Variants in CDK12 observed in about 807,000 individuals in gnomAD.
CDK12 encodes cyclin-dependent kinase 12.
In CDK12, 17 loss-of-function variants were observed where a neutral mutation model predicts 133.8. The observed-to-expected ratio is 0.13, with a 90% CI of 0.09 to 0.19. The LOEUF (loss-of-function observed/expected upper bound fraction) is 0.19. Among genes scored for constraint, CDK12 ranks in the 10% least tolerant of loss-of-function variants. The pLI is 1.00. For synonymous variants in CDK12, 694 were observed against 683.6 expected, an observed-to-expected ratio of 1.02 and a Z score of -0.24; for missense variants, 1,508 against 1,818.7, an observed-to-expected ratio of 0.83 and a Z score of 3.11.
chr17:39,530,681 C>T lies in CDK12; in HGVS notation c.3838C>T (p.Pro1280Ser), dbSNP rs763386543. The T allele has an allele frequency of 6.2e-7, 1 of 1,613,666 alleles. No homozygotes were observed. Among genetic ancestry groups the T allele is most frequent in the Non-Finnish European group, 8.5e-7 (1 of 1,179,722 alleles). The change falls in exon 14 of 14, where the codon CCT becomes TCT. Residue 1280 changes from proline (P) to serine (S), a missense_variant. Around this residue, in one of 9 missense-constraint regions of CDK12, gnomAD observed 399 missense variants for 469.6 expected, o/e 0.85. Transcript: ENST00000447079. ...ACCTCCACCGCCGCCACCTCCACCC[C>T]CTCTGGTTGAAGGCGATCTTTCCAG... The part of the protein sequence containing the change: ...PGPPPPPPPP[P>S]LVEGDLSSAP...
chr17:39,467,606 A>G (rs2049442879), intron 1 of CDK12, among the ~76,000 whole-genome samples: 1 of 152,180 alleles, frequency 6.6e-6, no homozygotes. Context: ...GGTTTCTAAC[A>G]GACTTCCTTA....
intron 11 of CDK12, among the ~76,000 whole-genome samples, chr17:39,522,591 A>G (rs913266124): frequency 6.6e-6 from 1 of 151,668 alleles, no homozygotes; most frequent in Non-Finnish European, 1.5e-5. Flanking sequence ...CCGGCACCAC[A>G]GCTGGCTAAT....
chr17:39,542,142 T>G (rs1433780471), intron 1 of CDK12, among the ~76,000 whole-genome samples: 1 of 89,284 alleles, frequency 1.1e-5, no homozygotes, highest in African/African-American at 2.7e-5. Context: ...ACTGGGAAAT[T>G]ATATATACAT....
intron 2 of CDK12, among the ~76,000 whole-genome samples, chr17:39,481,683 TC>T (rs2050704656): frequency 7.8e-5 from 1 of 12,776 alleles, no homozygotes; most frequent in Admixed American, 7.7e-4. Context: ...TCTCTCTCTC[TC>T]TCTCTCTCTC....
At chr17:39,482,935 C>T (rs1171345570) in intron 2 of CDK12, among the ~76,000 whole-genome samples, 3 of 134,462 alleles carry the variant, frequency 2.2e-5, no homozygotes, top group Non-Finnish European at 4.6e-5. Context: ...TTTTTTGAAA[C>T]GGAGTCTCAC....
chr17:39,492,489 G>A, intron 3 of CDK12, among the ~76,000 whole-genome samples: 1 of 143,770 alleles, frequency 7.0e-6, no homozygotes, highest in Middle Eastern at 4.1e-3. Flanking sequence ...CTCACTGCAA[G>A]TTCTGCCTCC....
chr17:39,463,287 G>T (rs1384416465), intron 1 of CDK12, among the ~76,000 whole-genome samples, 170 bp downstream of exon 1: 4 of 152,100 alleles, frequency 2.6e-5, no homozygotes, highest in Non-Finnish European at 5.9e-5. Flanking sequence ...CCCAGAATTC[G>T]AGAAGTGAAG....
At chr17:39,507,311 G>A (rs1365478529) in intron 6 of CDK12, among the ~76,000 whole-genome samples, 2 of 151,720 alleles carry the variant, frequency 1.3e-5, no homozygotes, top group African/African-American at 2.4e-5. Flanking sequence ...CAGCGGCCGG[G>A]CGCGGTGGCT....
chr17:39,511,507 A>G (rs1471865609), intron 7 of CDK12, 22 bp from the exon 8 acceptor site: 1 of 1,477,406 alleles, frequency 6.8e-7, no homozygotes, highest in Non-Finnish European at 9.4e-7. Flanking sequence ...AGTTTATGTC[A>G]TGGTTGTTTT....
At position 39,463,103 on chromosome 17, in the gene CDK12, G is replaced by T. The variant is rs777563663; in HGVS notation, c.1032G>T (p.Arg344=). The T allele has an allele frequency of 8.7e-6, 14 of 1,613,906 alleles. No homozygotes were observed. Among genetic ancestry groups the T allele is most frequent in the Admixed American group, 1.7e-5 (1 of 59,986 alleles). ...SPFLSKRSLS[R]SPLPSRKSMK... ...TCCTGAGCAAGCGGTCTCTGAGTCGGAGTCCACTCCCCAGGTGAGCTATTT... is the reference window on the plus strand; with the variant it reads ...TCCTGAGCAAGCGGTCTCTGAGTCGTAGTCCACTCCCCAGGTGAGCTATTT... The change falls in exon 1 of 14, where the codon CGG becomes CGT. Residue 344 remains arginine (R), a synonymous_variant. Coordinates refer to ENST00000447079, the MANE Select transcript of CDK12 (RefSeq NM_016507.4).
Position 39,471,284 on chromosome 17 carries a change from T to C in CDK12, c.1452T>C (p.Asp484=). ...CAGATACAGGGAAAGTAAAGTTGGA[T>C]GAGAACTCCGAGAAGCATCTTGTTA... ...NSSDTGKVKL[D]ENSEKHLVKD... The change falls in exon 2 of 14, where the codon GAT becomes GAC. Residue 484 remains aspartate (D), a synonymous_variant. Transcript: ENST00000447079. The C allele has an allele frequency of 6.2e-7, 1 of 1,613,280 alleles. No individual in the cohort carries two copies. The highest frequency in any genetic ancestry group is 1.1e-5 in the South Asian group (1 of 90,948).
At chr17:39,514,560 T>TG (rs2053679965) in intron 8 of CDK12, among the ~76,000 whole-genome samples, 1 of 152,102 alleles carries the variant, frequency 6.6e-6, no homozygotes. Context: ...AGGCTGGTCT[T>TG]GAACTCCTGG....
At chr17:39,508,140 C>T (rs1005855769) in intron 6 of CDK12, among the ~76,000 whole-genome samples, 2 of 152,150 alleles carry the variant, frequency 1.3e-5, no homozygotes, top group Admixed American at 6.5e-5. Flanking sequence ...AAATGTTCCA[C>T]TGAGCATTTC....
chr17:39,481,848 G>A (rs1328938019), intron 2 of CDK12, among the ~76,000 whole-genome samples: 5 of 151,528 alleles, frequency 3.3e-5, no homozygotes, highest in African/African-American at 1.2e-4. Context: ...ACCCTCCCAA[G>A]TAGCTGGGAT....
intron 12 of CDK12, among the ~76,000 whole-genome samples, chr17:39,525,175 T>A (rs2054421335): frequency 6.6e-6 from 1 of 152,176 alleles, no homozygotes; most frequent in Admixed American, 6.5e-5. Context: ...CAAATTTAAT[T>A]TAAGGTTAGT....
In CDK12 at chr17:39,525,858, C is replaced by G; in HGVS notation, c.3308-6C>G. 6.2e-7 allele frequency: 1 copy of G among 1,610,136 alleles called. No homozygotes were observed. Among genetic ancestry groups the G allele is most frequent in the Non-Finnish European group, 8.5e-7 (1 of 1,177,316 alleles). ...GTCTTATATTGGCTTCACTGTCTTT[C>G]AACAGGCCTTGCTGACATCACACAA... On this transcript the variant is annotated splice_polypyrimidine_tract_variant and splice_region_variant and intron_variant, in intron 12 of 13. Coordinates refer to ENST00000447079, the MANE Select transcript of CDK12 (RefSeq NM_016507.4).
rs1295338053 is a variant in CDK12 at position 39,481,645 on chromosome 17, T to G, written c.1932-8912T>G. On this transcript the variant is annotated intron_variant, in intron 2 of 13. Coordinates refer to ENST00000447079, the MANE Select transcript of CDK12 (RefSeq NM_016507.4). ...TGCTCGCTCGCGCGCTCTCTCTCTC[T>G]CTCTCTCTCTCTCTCTCTCTCTCTC... Among the ~76,000 whole-genome samples, 57 of 8,680 alleles carry G rather than the reference T, an allele frequency of 6.6e-3. 8 individuals carry two copies. Among genetic ancestry groups the G allele is most frequent in the Admixed American group, 0.025 (21 of 842 alleles). 5.7% of individuals were successfully genotyped at this position (8,680 alleles called of 152,430 possible).
At chr17:39,564,130 T>C (rs931589270) in intron 3 of CDK12, among the ~76,000 whole-genome samples, 3 of 152,112 alleles carry the variant, frequency 2.0e-5, no homozygotes, top group Non-Finnish European at 4.4e-5. Flanking sequence ...GATGCAGAGG[T>C]CAGAGGATAC....
Position 39,462,165 on chromosome 17 carries a change from A to G in CDK12, c.94A>G (p.Ser32Gly). ...QPSSGGGSSN[S>G]RERHRLVSKH... The stretch of plus-strand genomic sequence containing the variant: ...GTCATCGGGAGGCGGCAGCTCTAAC[A>G]GCAGAGAGCGTCACCGCTTGGTATC... The change falls in exon 1 of 14, where the codon AGC (serine) becomes GGC (glycine). Residue 32 changes from serine to glycine, a missense_variant. Transcript: ENST00000447079. 1.9e-6 allele frequency: 3 copies of G among 1,614,240 alleles called. No homozygotes were observed. The highest frequency in any genetic ancestry group is 1.7e-6 in the Non-Finnish European group (2 of 1,180,038).
Sources: allele counts gnomAD v4.1 joint callset (sites outside exome capture counted in the v4.1 genomes callset), GRCh38; gene constraint gnomAD v4.1.1; regional missense constraint gnomAD v4.1.1; transcripts MANE v1.5; gene names NCBI Gene and HGNC (gene_info 2026-07-23, HGNC 2026-07-21).